Variants in PCNX2 observed in about 807,000 individuals in gnomAD.
The protein encoded by PCNX2 is pecanex-like protein 2.
PCNX2 carries 168 observed loss-of-function variants against 223.8 expected under a neutral mutation model. That is an observed-to-expected ratio of 0.75 (90% CI 0.66 to 0.85). PCNX2 has a LOEUF of 0.85. PCNX2 is among the 40% of genes least tolerant of loss of function. The probability of loss-of-function intolerance (pLI) is 0.00; values close to 1 mark genes in which losing one functional copy is unlikely to be tolerated. For synonymous variants in PCNX2, 1,006 were observed against 1,052.6 expected, an observed-to-expected ratio of 0.96 and a Z score of 0.86; for missense variants, 2,507 against 2,675.5, an observed-to-expected ratio of 0.94 and a Z score of 1.39.
chr1:233,075,837 C>T (rs899921239), intron 23 of PCNX2, among the ~76,000 whole-genome samples: 1 of 151,904 alleles, frequency 6.6e-6, no homozygotes, highest in South Asian at 2.1e-4. Flanking sequence ...GTGCTTACAC[C>T]TTAAATTAGT....
At position 232,999,392 on chromosome 1, in the gene PCNX2, G is replaced by A. The variant is rs752684938; in HGVS notation, c.5329-13C>T. Reference sequence around the variant, plus strand: ...ATTCTTTGTTAACCTGCAGGTCAGAGAGGGAACGGGAAGAAAGGCAGAAGG... The same window carrying A: ...ATTCTTTGTTAACCTGCAGGTCAGAAAGGGAACGGGAAGAAAGGCAGAAGG... On this transcript the variant is annotated splice_polypyrimidine_tract_variant and intron_variant, in intron 30 of 33. Transcript: ENST00000258229. 2.5e-6 allele frequency: 4 copies of A among 1,577,946 alleles called. No homozygotes were observed. In the Admixed American group the frequency reaches 5.5e-5, roughly 22 times the overall value.
chr1:233,314,342 C>T, the PCNX2 span, among the ~76,000 whole-genome samples: 1 of 151,996 alleles, frequency 6.6e-6, no homozygotes, highest in Non-Finnish European at 1.5e-5. Flanking sequence ...GGGGAGTAAA[C>T]AGTGTGGGGG....
chr1:233,130,459 C>G (rs1676411002), intron 21 of PCNX2, among the ~76,000 whole-genome samples: 1 of 122,188 alleles, frequency 8.2e-6, no homozygotes, highest in African/African-American at 3.0e-5. Flanking sequence ...TTCTGCCCCC[C>G]AACTTTTGTG....
chr1:233,218,247 T>A (rs1451881393), intron 10 of PCNX2, 63 bp from the exon 11 acceptor site: 95 of 143,400 alleles, frequency 6.6e-4, no homozygotes, highest in Non-Finnish European at 8.9e-4. Flanking sequence ...AAGTTTTGCC[T>A]TTTTTTTTTT....
intron 8 of PCNX2, among the ~76,000 whole-genome samples, chr1:233,239,314 A>G (rs1379265928): frequency 6.6e-6 from 1 of 152,216 alleles, no homozygotes; most frequent in African/African-American, 2.4e-5. Flanking sequence ...GTTTTAGAGC[A>G]GTCTTCCTCC....
intron 1 of PCNX2, chr1:233,288,818 T>C: frequency 1.3e-6 from 1 of 749,534 alleles, no homozygotes; most frequent in Non-Finnish European, 2.1e-6. Flanking sequence ...TTTTTTTTTT[T>C]TTTTTTTTAC....
intron 21 of PCNX2, among the ~76,000 whole-genome samples, chr1:233,117,935 G>A (rs557791251): frequency 0.027 from 4,074 of 149,462 alleles, 99 homozygotes; most frequent in Non-Finnish European, 0.04. Context: ...GCGTGAACCC[G>A]GGAGGCGGAG....
intron 25 of PCNX2, chr1:233,047,402 G>A (rs1304099492): frequency 1.0e-6 from 1 of 985,140 alleles, no homozygotes; most frequent in African/African-American, 1.7e-5. Context: ...TAAACTCAAA[G>A]ATTGGTTAAG....
rs372755019 is a variant in PCNX2, at chr1:233,258,903, G to A, written c.959C>T (p.Ala320Val). 3.1e-6 allele frequency: 5 copies of A among 1,613,792 alleles called. No individual in the cohort carries two copies. Among genetic ancestry groups the A allele is most frequent in the Non-Finnish European group, 4.2e-6 (5 of 1,179,896 alleles). ...SSCPQCDTIV[A>V]KPVEEPADTS... is the part of the protein sequence containing the mutation. Reference sequence around the variant, plus strand: ...GTCTGCTGGCTCCTCCACAGGCTTGGCCACGATGGTGTCACATTGAGGGCA... The same window carrying A: ...GTCTGCTGGCTCCTCCACAGGCTTGACCACGATGGTGTCACATTGAGGGCA... The change falls in exon 5 of 34, where the codon GCC (alanine) becomes GTC (valine). Residue 320 changes from alanine to valine, a missense_variant. Physicochemically the swap from Ala to Val is moderately conservative, Grantham distance 64. Coordinates refer to ENST00000258229, the MANE Select transcript of PCNX2 (RefSeq NM_014801.4).
the PCNX2 span, among the ~76,000 whole-genome samples, chr1:233,311,488 T>G: frequency 6.6e-6 from 1 of 152,206 alleles, no homozygotes; most frequent in African/African-American, 2.4e-5. Flanking sequence ...CAAATTATAA[T>G]AAGAAGAAAG....
At chr1:232,984,594 G>C in intron 33 of PCNX2, 117 bp from the exon 34 acceptor site, 1 of 1,194,938 alleles carries the variant, frequency 8.4e-7, no homozygotes, top group Non-Finnish European at 1.2e-6. Flanking sequence ...CCATATCCTT[G>C]AGGTCAGGTT....
Position 233,210,444 on chromosome 1 carries a change from A to T in PCNX2, c.2692-1755T>A, listed in dbSNP as rs566252697. The T allele has an allele frequency of 6.1e-4, 163 of 267,542 alleles. 1 individual carries two copies. The highest frequency in any genetic ancestry group is 3.4e-3 in the African/African-American group (149 of 43,490). The allele number at this position is 267,542 out of a possible 1,614,324, so 16.6% of individuals were successfully genotyped here. A position where few individuals can be genotyped will look rare whatever the true frequency, so the allele number is the denominator to read the frequency against. ...AGGCACCCGCCACCATGCCTGGCTA[A>T]TTTTTTGTATTTTTAGTAGGGATGG... On this transcript the variant is annotated intron_variant, in intron 12 of 33. Coordinates refer to ENST00000258229, the MANE Select transcript of PCNX2 (RefSeq NM_014801.4).
At chr1:232,984,720 C>T (rs41304135) in intron 33 of PCNX2, 7 of 456,718 alleles carry the variant, frequency 1.5e-5, no homozygotes, top group South Asian at 6.5e-5. Flanking sequence ...TGGATGACTG[C>T]GCTGGAAAGA....
In PCNX2 at chr1:233,004,190, C is replaced by T. The variant is rs114335859; in HGVS notation, c.4953-2509G>A. On this transcript the variant is annotated intron_variant, in intron 28 of 33. Transcript: ENST00000258229. ...TTGTCTTTCATATTTGGCCAACACT[C>T]GATTATATAAAAATTATAGTTCCAC... Among the ~76,000 whole-genome samples the T allele has an allele frequency of 3.7e-3, 569 of 151,786 alleles. 5 individuals carry two copies. The highest frequency in any genetic ancestry group is 0.013 in the African/African-American group (539 of 41,368).
intron 19 of PCNX2, among the ~76,000 whole-genome samples, chr1:233,158,161 C>A (rs1678241573): frequency 6.9e-6 from 1 of 145,322 alleles, no homozygotes; most frequent in African/African-American, 2.8e-5. Context: ...GAGAGAAAAA[C>A]AAAACAAAAC....
intron 32 of PCNX2, among the ~76,000 whole-genome samples, chr1:232,997,994 G>A (rs962194285): frequency 2.2e-4 from 34 of 152,188 alleles, no homozygotes; most frequent in African/African-American, 7.2e-4. Flanking sequence ...GGAATGCAGC[G>A]ACCCCTGGAC....
chr1:233,195,016 CAA>C lies in PCNX2; in HGVS notation c.3066+3921_3066+3922del, dbSNP rs574552463. 1.7e-3 allele frequency among the ~76,000 whole-genome samples: 107 copies of C among 63,394 alleles called. 1 individual carries two copies. The South Asian group carries it at 0.055, about 32-fold the overall frequency. The allele number at this position is 63,394 out of a possible 152,430, so 41.6% of individuals were successfully genotyped here. A position where few individuals can be genotyped will look rare whatever the true frequency, so the allele number is the denominator to read the frequency against. Reference sequence around the variant, plus strand: ...TGGGTAACAGAGTGAGATTCCATCTCAAAAAAAAAAAAAAAAAAATTAGAGAA... The same window carrying C: ...TGGGTAACAGAGTGAGATTCCATCTCAAAAAAAAAAAAAAAAATTAGAGAA... On this transcript the variant is annotated intron_variant, in intron 15 of 33. Transcript: ENST00000258229.
chr1:233,198,122 C>A (rs528361282), intron 15 of PCNX2, among the ~76,000 whole-genome samples: 1 of 152,318 alleles, frequency 6.6e-6, no homozygotes, highest in Non-Finnish European at 1.5e-5. Flanking sequence ...CTAATTCCTG[C>A]TTCCTGAAGG....
intron 23 of PCNX2, among the ~76,000 whole-genome samples, chr1:233,081,434 T>C (rs915138706): frequency 5.9e-5 from 9 of 152,186 alleles, no homozygotes; most frequent in Admixed American, 5.2e-4. Flanking sequence ...ATTCAGAACC[T>C]CGGATGGTCA....
Sources: allele counts gnomAD v4.1 joint callset (sites outside exome capture counted in the v4.1 genomes callset), GRCh38; gene constraint gnomAD v4.1.1; transcripts MANE v1.5; gene names NCBI Gene and HGNC (gene_info 2026-07-23, HGNC 2026-07-21).